Variants in MAN2A2 observed in about 807,000 individuals in gnomAD.
The protein encoded by MAN2A2 is mannosidase alpha class 2A member 2, also known as alpha-mannosidase 2x.
In MAN2A2, 79 loss-of-function variants were observed where a neutral mutation model predicts 126.8. The ratio of observed to expected loss-of-function variants is 0.62; its 90% CI spans 0.52 to 0.75. MAN2A2 has a LOEUF of 0.75. MAN2A2 is among the 30% of genes least tolerant of loss of function. The pLI, the probability that MAN2A2 is intolerant of heterozygous loss-of-function variation, is 0.00. For synonymous variants in MAN2A2, 671 were observed against 618.7 expected, an observed-to-expected ratio of 1.08 and a Z score of -1.25; for missense variants, 1,392 against 1,522.4, an observed-to-expected ratio of 0.91 and a Z score of 1.43.
intron 20 of MAN2A2, among the ~76,000 whole-genome samples, chr15:90,917,046 C>T (rs1414683577): frequency 1.3e-5 from 2 of 152,170 alleles, no homozygotes; most frequent in Non-Finnish European, 2.9e-5. Flanking sequence ...AGACAACAGG[C>T]TGGGGAATAG....
At chr15:90,914,914 C>T (rs929977770) in intron 19 of MAN2A2, among the ~76,000 whole-genome samples, 2 of 152,214 alleles carry the variant, frequency 1.3e-5, no homozygotes, top group Non-Finnish European at 2.9e-5. Context: ...GTGTGGCCCC[C>T]ATATCCTCAG....
chr15:90,914,693 T>C (rs2035032391), intron 19 of MAN2A2, among the ~76,000 whole-genome samples: 1 of 152,202 alleles, frequency 6.6e-6, no homozygotes, highest in Non-Finnish European at 1.5e-5. Flanking sequence ...CTAGTTTTTC[T>C]ATTTTTAGTA....
chr15:90,904,481 CA>C, intron 2 of MAN2A2, 142 bp downstream of exon 2: 1 of 985,842 alleles, frequency 1.0e-6, no homozygotes, highest in Non-Finnish European at 1.4e-6. Context: ...TCCCAATAGT[CA>C]GGTTTTGTAG....
In MAN2A2 at chr15:90,905,706, A is replaced by G; in HGVS notation, c.518A>G (p.His173Arg). 3 of 1,613,844 alleles carry G rather than the reference A, an allele frequency of 1.9e-6. No homozygotes were observed. Among genetic ancestry groups the G allele is most frequent in the Non-Finnish European group, 8.5e-7 (1 of 1,179,944 alleles). Reference sequence around the variant, plus strand: ...GACCTGCAGGTGTTTGTGGTGCCCCACTCTCACAATGACCCAGGTGAGGGC... The same window carrying G: ...GACCTGCAGGTGTTTGTGGTGCCCCGCTCTCACAATGACCCAGGTGAGGGC... The part of the protein sequence containing the change: ...AEDLQVFVVP[H>R]SHNDPGWIKT... The change falls in exon 4 of 23, where the codon CAC becomes CGC. Residue 173 changes from histidine (H) to arginine (R), a missense_variant. His to Arg is a conservative substitution (Grantham distance 29). Transcript: ENST00000559717.
At position 90,922,479 on chromosome 15, in the gene MAN2A2, G is replaced by A. The variant is rs1014631185; in HGVS notation, c.*2692G>A. The stretch of plus-strand genomic sequence containing the variant: ...GTAAAGGATGCTAAGCAGTTCCACT[G>A]TGGCAGGTGTCATTTGCTAGTAGAA... On this transcript the variant is annotated 3_prime_UTR_variant, in exon 23 of 23. Coordinates refer to ENST00000559717, the MANE Select transcript of MAN2A2 (RefSeq NM_006122.4). 6.6e-6 allele frequency: 1 copy of A among 152,206 alleles called. No individual in the cohort carries two copies. Among genetic ancestry groups the A allele is most frequent in the African/African-American group, 2.4e-5 (1 of 41,460 alleles). The allele number at this position is 152,206 out of a possible 1,614,324, so 9.4% of individuals were successfully genotyped here.
At position 90,921,581 on chromosome 15, in the gene MAN2A2, G is replaced by C. The variant is rs1179345322; in HGVS notation, c.*1794G>C. 1 of 152,170 alleles carries C rather than the reference G, an allele frequency of 6.6e-6. No individual in the cohort carries two copies. The highest frequency in any genetic ancestry group is 2.4e-5 in the African/African-American group (1 of 41,412). The allele number at this position is 152,170 out of a possible 1,614,324, so 9.4% of individuals were successfully genotyped here. A position where few individuals can be genotyped will look rare whatever the true frequency, so the allele number is the denominator to read the frequency against. ...GAGGGATGTTTTAAGTGGGGAAAAA[G>C]GTGGATTATTTAATAAACAGCACTT... is the stretch of plus-strand genomic sequence containing the variant. On this transcript the variant is annotated 3_prime_UTR_variant, in exon 23 of 23. Coordinates refer to ENST00000559717, the MANE Select transcript of MAN2A2 (RefSeq NM_006122.4).
At position 90,921,707 on chromosome 15, in the gene MAN2A2, T is replaced by A. The variant is rs1455782214; in HGVS notation, c.*1920T>A. The A allele has an allele frequency of 1.3e-5, 2 of 152,172 alleles. No homozygotes were observed. The highest frequency in any genetic ancestry group is 2.9e-5 in the Non-Finnish European group (2 of 68,036). 9.4% of individuals were successfully genotyped at this position (152,172 alleles called of 1,614,324 possible). ...GCCAAGGTGGGTGGATCACTTGAGG[T>A]CAGGAGTTCGAGACCAGCCTGGCCA... On this transcript the variant is annotated 3_prime_UTR_variant, in exon 23 of 23. Coordinates refer to ENST00000559717, the MANE Select transcript of MAN2A2 (RefSeq NM_006122.4).
intron 19 of MAN2A2, among the ~76,000 whole-genome samples, chr15:90,914,018 C>G (rs2034982525): frequency 6.6e-6 from 1 of 152,166 alleles, no homozygotes; most frequent in Non-Finnish European, 1.5e-5. Context: ...GGTTACAACT[C>G]TTGGGGCCAA....
In MAN2A2 at chr15:90,918,314, C is replaced by A. The variant is rs570702789; in HGVS notation, c.3115C>A (p.Arg1039Ser). 5 of 1,614,062 alleles carry A rather than the reference C, an allele frequency of 3.1e-6. No homozygotes were observed. The highest frequency in any genetic ancestry group is 4.2e-6 in the Non-Finnish European group (5 of 1,180,032). Residue 1039 changes from arginine (R) to serine (S), a missense_variant, in exon 21 of 23, where the codon CGC becomes AGC. By Grantham distance (110) the Arg-to-Ser change is moderately radical. Coordinates refer to ENST00000559717, the MANE Select transcript of MAN2A2 (RefSeq NM_006122.4). ...ARMQLPGPGL[R>S]SFHPLASSLP... ...GATGCAGCTCCCAGGCCCTGGTCTG[C>A]GCTCATTTCATCCTCTGGCTTCCTC...
upstream of MAN2A2, chr15:90,903,295 C>A (rs183724958): frequency 1.1e-4 from 17 of 152,498 alleles, no homozygotes; most frequent in East Asian, 3.3e-3. Flanking sequence ...AGCTCCCGAG[C>A]AGAATCAGAT....
chr15:90,908,478 TGAAAA>T (rs1388031835), intron 8 of MAN2A2, among the ~76,000 whole-genome samples: 4 of 152,214 alleles, frequency 2.6e-5, no homozygotes. Context: ...ATAATTTGGA[TGAAAA>T]GAAAAGAAAT....
At chr15:90,912,708 G>A in intron 16 of MAN2A2, 44 bp downstream of exon 16, 1 of 1,612,122 alleles carries the variant, frequency 6.2e-7, no homozygotes, top group Non-Finnish European at 8.5e-7. Flanking sequence ...GAGGGCAGGA[G>A]GGGGCACAGG....
At chr15:90,912,787 A>T (rs2034859873) in intron 16 of MAN2A2, 90 bp from the exon 17 acceptor site, 1 of 1,552,574 alleles carries the variant, frequency 6.4e-7, no homozygotes, top group African/African-American at 1.4e-5. Context: ...GGTGTCTGGG[A>T]ATAGGTGCTC....
At chr15:90,916,791 AC>A in intron 20 of MAN2A2, 1 of 609,704 alleles carries the variant, frequency 1.6e-6, no homozygotes, top group Non-Finnish European at 2.6e-6. Context: ...TACTGTGAGG[AC>A]CCAGAGGGAC....
chr15:90,916,681 C>T (rs1167115983), intron 20 of MAN2A2: 21 of 1,291,084 alleles, frequency 1.6e-5, no homozygotes, highest in East Asian at 1.1e-4. Flanking sequence ...GCTCTGGGAG[C>T]GGGGAACTAG....
chr15:90,906,898 T>A lies in MAN2A2; in HGVS notation c.994T>A (p.Trp332Arg), dbSNP rs769464449. Residue 332 changes from tryptophan (W) to arginine (R), a missense_variant, in exon 7 of 23, where the codon TGG (tryptophan) becomes AGG (arginine). Transcript: ENST00000559717. ...FAATHSLEFM[W>R]RQTWDSDSST... The stretch of plus-strand genomic sequence containing the variant: ...TGCCACCCACAGCCTAGAGTTCATG[T>A]GGAGGCAGACATGGGGTAAGGCCGG... 6.2e-7 allele frequency: 1 copy of A among 1,614,014 alleles called. No homozygotes were observed. The highest frequency in any genetic ancestry group is 1.1e-5 in the South Asian group (1 of 91,084).
rs562495176 is a variant in MAN2A2 at position 90,905,667 on chromosome 15, A to C, written c.479A>C (p.Asp160Ala). 3.1e-6 allele frequency: 5 copies of C among 1,614,142 alleles called. No individual in the cohort carries two copies. The African/African-American group carries it at 6.7e-5, about 22-fold the overall frequency. Residue 160 changes from aspartate (D) to alanine (A), a missense_variant, in exon 4 of 23, where the codon GAC (aspartate) becomes GCC (alanine). Asp to Ala is a moderately radical substitution (Grantham distance 126). Coordinates refer to ENST00000559717, the MANE Select transcript of MAN2A2 (RefSeq NM_006122.4). ...QGFDISYDPH[D>A]WDAEDLQVFV... ...TTCGACATCTCCTACGACCCGCACG[A>C]CTGGGATGCTGAAGACCTGCAGGTG... is the stretch of plus-strand genomic sequence containing the variant.
In MAN2A2 at chr15:90,906,808, C is replaced by T. The variant is rs764061380; in HGVS notation, c.904C>T (p.Arg302Cys). Reference sequence around the variant, plus strand: ...CAGCTCCACCATGCCTTACCTGCTGCGCCGTGCCAACCTCACCAGCATGCT... The same window carrying T: ...CAGCTCCACCATGCCTTACCTGCTGTGCCGTGCCAACCTCACCAGCATGCT... ...GYSSTMPYLL[R>C]RANLTSMLIQ... Residue 302 changes from arginine to cysteine, a missense_variant, in exon 7 of 23, where the codon CGC (arginine) becomes TGC (cysteine). Transcript: ENST00000559717. 8 of 1,613,874 alleles carry T rather than the reference C, an allele frequency of 5.0e-6. No individual in the cohort carries two copies. The highest frequency in any genetic ancestry group is 1.1e-5 in the South Asian group (1 of 91,092).
intron 13 of MAN2A2, 68 bp from the exon 14 acceptor site, chr15:90,911,317 A>ACC (rs1437487379): frequency 3.1e-6 from 5 of 1,613,004 alleles, no homozygotes; most frequent in Non-Finnish European, 4.2e-6. Flanking sequence ...CATGTGCTGA[A>ACC]CCAGTGCAGG....
Sources: gnomAD v4.1 joint callset for allele counts (sites outside exome capture counted in the v4.1 genomes callset) on GRCh38, gnomAD v4.1.1 for gene constraint, MANE v1.5 for transcripts, NCBI Gene and HGNC (gene_info 2026-07-23, HGNC 2026-07-21) for gene names.